Variants in RHCE observed in about 807,000 individuals in gnomAD.
The protein encoded by RHCE is blood group Rh(CE) polypeptide.
A neutral mutation model predicts 43.8 loss-of-function variants in RHCE; 22 were observed. That is an observed-to-expected ratio of 0.50 (90% CI 0.36 to 0.72). The LOEUF (loss-of-function observed/expected upper bound fraction) is 0.72. RHCE is among the 30% of genes least tolerant of loss of function. RHCE has a pLI of 0.00. For synonymous variants in RHCE, 156 were observed against 210.7 expected (o/e 0.74, Z 2.25); for missense variants, 385 against 525.4 (o/e 0.73, Z 2.61).
intron 7 of RHCE, among the ~76,000 whole-genome samples, chr1:25,379,452 T>TATATATATAC (rs1645890866): frequency 3.3e-5 from 1 of 30,702 alleles, no homozygotes; most frequent in African/African-American, 1.1e-4. Context: ...AGCACCAAAG[T>TATATATATAC]ATATATATAT....
At chr1:25,426,465 TG>T (rs1307528202) in intron 2 of RHCE, among the ~76,000 whole-genome samples, 1 of 152,230 alleles carries the variant, frequency 6.6e-6, no homozygotes, top group African/African-American at 2.4e-5. Flanking sequence ...GAAAGCAGAC[TG>T]CCTGGATTTG....
At chr1:25,379,213 T>C (rs1645880304) in intron 7 of RHCE, among the ~76,000 whole-genome samples, 2 of 151,784 alleles carry the variant, frequency 1.3e-5, no homozygotes, top group Admixed American at 1.3e-4. Flanking sequence ...GCATGTCAGC[T>C]CAGGTCTCTC....
intron 5 of RHCE, among the ~76,000 whole-genome samples, chr1:25,390,462 G>T (rs541552893): frequency 7.4e-4 from 112 of 152,020 alleles, no homozygotes; most frequent in African/African-American, 2.3e-3. Context: ...TGACTGACTT[G>T]AGCAACTAGC....
chr1:25,418,571 G>A (rs551229997), intron 1 of RHCE, among the ~76,000 whole-genome samples: 7 of 152,206 alleles, frequency 4.6e-5, no homozygotes, highest in Non-Finnish European at 8.8e-5. Flanking sequence ...CCAAAGTGCT[G>A]GGATTACAGG....
rs192336300 is a variant in RHCE, at chr1:25,391,335, C to T, written c.635-420G>A. 4.1e-3 allele frequency among the ~76,000 whole-genome samples: 620 copies of T among 152,166 alleles called. 6 individuals are homozygous for T. The highest frequency in any genetic ancestry group is 5.1e-3 in the Admixed American group (78 of 15,274). ...AAGTAGCTGGGATTACAGGCGTGCA[C>T]CACCATGCCCAGCTGATTTGTTTGT... On this transcript the variant is annotated intron_variant, in intron 4 of 9. Coordinates refer to ENST00000294413, the MANE Select transcript of RHCE (RefSeq NM_020485.8).
intron 6 of RHCE, 75 bp from the exon 7 acceptor site, chr1:25,385,919 T>A: frequency 6.2e-7 from 1 of 1,611,170 alleles, no homozygotes; most frequent in South Asian, 1.1e-5. Flanking sequence ...CACACACCCT[T>A]GGTATCCGGC....
chr1:25,377,704 C>A (rs1457687467), intron 7 of RHCE, among the ~76,000 whole-genome samples: 2 of 152,096 alleles, frequency 1.3e-5, no homozygotes, highest in Admixed American at 1.3e-4. Context: ...ATCAGCCTGG[C>A]CAACATGGCA....
At chr1:25,393,003 T>A (rs371800329) in intron 3 of RHCE, among the ~76,000 whole-genome samples, 1 of 152,206 alleles carries the variant, frequency 6.6e-6, no homozygotes, top group Non-Finnish European at 1.5e-5. Context: ...TTTTGCAACA[T>A]GAAGCAACCA....
chr1:25,402,509 C>A, intron 3 of RHCE, 87 bp downstream of exon 3: 1 of 1,607,842 alleles, frequency 6.2e-7, no homozygotes, highest in Non-Finnish European at 8.5e-7. Context: ...TACAGGTTGT[C>A]TTTATTTTTC....
At chr1:25,427,778 G>A (rs2042816626) in intron 2 of RHCE, among the ~76,000 whole-genome samples, 1 of 152,222 alleles carries the variant, frequency 6.6e-6, no homozygotes, top group Non-Finnish European at 1.5e-5. Context: ...CACCTATTAT[G>A]TGACCTTGTT....
intron 1 of RHCE, among the ~76,000 whole-genome samples, chr1:25,416,354 C>T (rs1647433499): frequency 6.6e-6 from 1 of 151,972 alleles, no homozygotes; most frequent in African/African-American, 2.4e-5. Context: ...AGCTCCGCCT[C>T]CTGGGTTCAC....
chr1:25,418,447 C>T (rs1354020657), intron 1 of RHCE, among the ~76,000 whole-genome samples: 2 of 152,038 alleles, frequency 1.3e-5, no homozygotes, highest in African/African-American at 4.8e-5. Context: ...GGATTACAGA[C>T]GTGTGCCACC....
chr1:25,362,568 C>T lies in RHCE; in HGVS notation c.1228-15G>A, dbSNP rs755467449. 1.8e-5 allele frequency: 28 copies of T among 1,549,512 alleles called. No homozygotes were observed. In the Admixed American group the frequency reaches 4.3e-4, roughly 24 times the overall value. Reference sequence around the variant, plus strand: ...AAATGAGGAAACTGTAAAAGCAAAACAAACATTTTTATTGCAGATGAACCC... The same window carrying T: ...AAATGAGGAAACTGTAAAAGCAAAATAAACATTTTTATTGCAGATGAACCC... On this transcript the variant is annotated splice_polypyrimidine_tract_variant and intron_variant, in intron 9 of 9. Coordinates refer to ENST00000294413, the MANE Select transcript of RHCE (RefSeq NM_020485.8).
chr1:25,425,901 A>C (rs965143746), intron 2 of RHCE, among the ~76,000 whole-genome samples: 1 of 152,196 alleles, frequency 6.6e-6, no homozygotes, highest in African/African-American at 2.4e-5. Context: ...CGTTTGGCTA[A>C]AGTGCAGCTA....
intron 2 of RHCE, among the ~76,000 whole-genome samples, chr1:25,407,202 C>T (rs1210277488): frequency 8.1e-6 from 1 of 123,322 alleles, no homozygotes; most frequent in Non-Finnish European, 1.8e-5. Context: ...GGATTACAGG[C>T]GTGAACCACC....
At chr1:25,399,118 C>T (rs1272993846) in intron 3 of RHCE, 5 of 1,352,736 alleles carry the variant, frequency 3.7e-6, no homozygotes, top group Non-Finnish European at 5.3e-6. Flanking sequence ...GCATTTTCAG[C>T]TTTAACCTTT....
rs567575075 is a variant in RHCE at position 25,391,999 on chromosome 1, A to C, written c.629T>G (p.Met210Arg). 8.1e-6 allele frequency: 13 copies of C among 1,613,920 alleles called. No individual in the cohort carries two copies. The highest frequency in any genetic ancestry group is 1.3e-5 in the African/African-American group (1 of 74,898). Reference protein sequence around the residue: ...QRATIPSLSAMLGALFLWMFW... With the variant: ...QRATIPSLSARLGALFLWMFW... ...TCACCCCACCTTGTCCTTACCCAGC[A>C]TGGCAGACAAACTGGGTATCGTTGC... The change falls in exon 4 of 10, where the codon ATG becomes AGG. Residue 210 changes from methionine to arginine, a missense_variant. Transcript: ENST00000294413.
chr1:25,378,985 C>A (rs1203560926), intron 7 of RHCE, among the ~76,000 whole-genome samples: 1 of 152,158 alleles, frequency 6.6e-6, no homozygotes, highest in African/African-American at 2.4e-5. Context: ...AAGAAGCATA[C>A]AAAAGCACAG....
chr1:25,395,246 C>T (rs1465135070), intron 3 of RHCE, among the ~76,000 whole-genome samples: 1 of 144,324 alleles, frequency 6.9e-6, no homozygotes, highest in Non-Finnish European at 1.5e-5. Flanking sequence ...ATTCTCTCTC[C>T]CTGGACTACA....
Sources: allele counts gnomAD v4.1 joint callset (sites outside exome capture counted in the v4.1 genomes callset), GRCh38; gene constraint gnomAD v4.1.1; transcripts MANE v1.5; gene names NCBI Gene and HGNC (gene_info 2026-07-23, HGNC 2026-07-21).